The following PACS1 variants were observed in gnomAD, a reference collection of about 807,000 sequenced individuals.
PACS1 encodes the protein phosphofurin acidic cluster sorting protein 1.
In PACS1, 24 loss-of-function variants were observed where a neutral mutation model predicts 115.0. The ratio of observed to expected loss-of-function variants is 0.21; its 90% CI spans 0.15 to 0.29. The LOEUF is 0.29. Among genes scored for constraint, PACS1 ranks in the 10% least tolerant of loss-of-function variants. PACS1 has a pLI of 1.00. For missense variants in PACS1, 838 were observed against 1,251.2 expected, an observed-to-expected ratio of 0.67 and a Z score of 4.98; for synonymous variants, 453 against 504.5, an observed-to-expected ratio of 0.90 and a Z score of 1.37.
In PACS1 at chr11:66,092,536, A is replaced by G. The variant is rs1189765952; in HGVS notation, c.356+21694A>G. Among the ~76,000 whole-genome samples the G allele has an allele frequency of 4.6e-5, 7 of 151,442 alleles. No homozygotes were observed. The East Asian group carries it at 1.2e-3, about 25-fold the overall frequency. On this transcript the variant is annotated intron_variant, in intron 1 of 23. Transcript: ENST00000320580. ...AAGCTCTTGAGTTTAATTAGATCCC[A>G]TTTGTCAATTTTGGCTTTTGTTGCC... is the stretch of plus-strand genomic sequence containing the variant.
rs1196321416 is a variant in PACS1, at chr11:66,070,847, G to GC, written c.356+6dup. ...CTCGTCCAGCTGCGTGCCTAGGTGA[G>GC]CGCGGGAGGGTGCGGCGGGGCGCCG... is the stretch of plus-strand genomic sequence containing the variant. On this transcript the variant is annotated splice_donor_region_variant and intron_variant, in intron 1 of 23. Coordinates refer to ENST00000320580, the MANE Select transcript of PACS1 (RefSeq NM_018026.4). This position sits in a 1 kb window ranked among gnomAD's most constrained non-coding sequence, Gnocchi z 5.9. 1 of 1,468,480 alleles carries GC rather than the reference G, an allele frequency of 6.8e-7. No homozygotes were observed. The allele number at this position is 1,468,480 out of a possible 1,614,324, so 91.0% of individuals were successfully genotyped here. A position where few individuals can be genotyped will look rare whatever the true frequency, so the allele number is the denominator to read the frequency against.
At chr11:66,114,351 G>T (rs1270363324) in intron 1 of PACS1, among the ~76,000 whole-genome samples, 1 of 150,664 alleles carries the variant, frequency 6.6e-6, no homozygotes, top group African/African-American at 2.4e-5. Flanking sequence ...CCAGGAGGCA[G>T]AGGTTGCAGT....
At chr11:66,148,743 T>C (rs1325052697) in intron 1 of PACS1, among the ~76,000 whole-genome samples, 3 of 152,104 alleles carry the variant, frequency 2.0e-5, no homozygotes, top group Non-Finnish European at 4.4e-5. Flanking sequence ...CTGGCCAACA[T>C]GGTGAAACCC....
At chr11:66,118,904 A>C (rs145950079) in intron 1 of PACS1, among the ~76,000 whole-genome samples, 1 of 152,212 alleles carries the variant, frequency 6.6e-6, no homozygotes, top group Non-Finnish European at 1.5e-5. Context: ...GAAACTAAAA[A>C]ACATTGCTTG....
intron 19 of PACS1, 145 bp from the exon 20 acceptor site, chr11:66,238,659 C>G: frequency 1.3e-6 from 1 of 779,482 alleles, no homozygotes; most frequent in Non-Finnish European, 2.1e-6. Context: ...AGCCACCACG[C>G]CCAGCCCAGA....
chr11:66,150,729 G>A (rs929788016), intron 1 of PACS1, among the ~76,000 whole-genome samples: 1 of 152,144 alleles, frequency 6.6e-6, no homozygotes, highest in African/African-American at 2.4e-5. Context: ...TTCCATTAAG[G>A]GAGATTGAAG....
chr11:66,200,365 G>T (rs1015175378), intron 2 of PACS1, among the ~76,000 whole-genome samples: 1 of 151,704 alleles, frequency 6.6e-6, no homozygotes. Flanking sequence ...AAACAAAAAC[G>T]AAAACATGAT....
intron 1 of PACS1, among the ~76,000 whole-genome samples, chr11:66,181,361 C>T (rs1236704500): frequency 1.3e-5 from 2 of 151,704 alleles, no homozygotes; most frequent in African/African-American, 4.8e-5. Flanking sequence ...TACAGGTGTC[C>T]ACCACCACAC....
intron 1 of PACS1, among the ~76,000 whole-genome samples, chr11:66,173,711 A>G (rs1859790698): frequency 6.6e-6 from 1 of 152,152 alleles, no homozygotes; most frequent in Admixed American, 6.5e-5. Context: ...CTCCATCTCA[A>G]AAAGAAAAAG....
At chr11:66,202,742 A>G (rs11530810) in intron 2 of PACS1, among the ~76,000 whole-genome samples, 4 of 71,652 alleles carry the variant, frequency 5.6e-5, no homozygotes, top group Non-Finnish European at 9.4e-5. Context: ...AAAAAAAAAA[A>G]ATATATATAT....
intron 1 of PACS1, among the ~76,000 whole-genome samples, chr11:66,154,404 C>T (rs1332101507): frequency 6.6e-6 from 1 of 151,636 alleles, no homozygotes; most frequent in Non-Finnish European, 1.5e-5. Flanking sequence ...GCACCACTGC[C>T]CTCCAGCCTG....
chr11:66,103,086 C>T (rs1455460353), intron 1 of PACS1, among the ~76,000 whole-genome samples: 1 of 152,200 alleles, frequency 6.6e-6, no homozygotes, highest in African/African-American at 2.4e-5. Flanking sequence ...CTGCCTTGGC[C>T]TCTGAAAGTG....
At chr11:66,132,247 G>A (rs924157867) in intron 1 of PACS1, among the ~76,000 whole-genome samples, 3 of 151,918 alleles carry the variant, frequency 2.0e-5, no homozygotes, top group Admixed American at 6.6e-5. Flanking sequence ...TTTTTCCTGC[G>A]CTCTCACACA....
At chr11:66,204,821 A>C (rs768127487) in intron 2 of PACS1, among the ~76,000 whole-genome samples, 3 of 152,062 alleles carry the variant, frequency 2.0e-5, no homozygotes, top group Non-Finnish European at 4.4e-5. Context: ...ATGATAGTTA[A>C]TGGATACAAA....
rs758922764 is a variant in PACS1, at chr11:66,243,293, C to A, written c.*13C>A. ...CAAGGCCACCTGAGGCCCTGTCTCC[C>A]AGCCACTTTCCCTCCTGGCACTGCC... On this transcript the variant is annotated 3_prime_UTR_variant, in exon 24 of 24. Transcript: ENST00000320580. 1.7e-5 allele frequency: 26 copies of A among 1,537,062 alleles called. No homozygotes were observed. Among genetic ancestry groups the A allele is most frequent in the Non-Finnish European group, 2.3e-5 (26 of 1,129,988 alleles).
chr11:66,223,054 C>CAAA lies in PACS1; in HGVS notation c.1293+1829_1293+1831dup, dbSNP rs71461612. 7.8e-3 allele frequency among the ~76,000 whole-genome samples: 588 copies of CAAA among 74,946 alleles called. 14 individuals are homozygous for CAAA. Among genetic ancestry groups the CAAA allele is most frequent in the African/African-American group, 0.029 (541 of 18,426 alleles). 49.2% of individuals were successfully genotyped at this position (74,946 alleles called of 152,430 possible). ...CAAGAACTGAGGAGACCTCGATTTA[C>CAAA]AAAAAAAAAAAAAAAAAAAAAAAAC... is the stretch of plus-strand genomic sequence containing the variant. On this transcript the variant is annotated intron_variant, in intron 10 of 23. Transcript: ENST00000320580.
At chr11:66,192,029 AAAAG>A (rs1164099286) in intron 1 of PACS1, among the ~76,000 whole-genome samples, 1 of 152,278 alleles carries the variant, frequency 6.6e-6, no homozygotes, top group Non-Finnish European at 1.5e-5. Flanking sequence ...TCTCAAAAAA[AAAAG>A]AAAGAAAGTT....
At chr11:66,094,466 G>A (rs1301089221) in intron 1 of PACS1, among the ~76,000 whole-genome samples, 1 of 151,016 alleles carries the variant, frequency 6.6e-6, no homozygotes, top group African/African-American at 2.4e-5. Flanking sequence ...TAAATTCCTC[G>A]ACACATACAC....
chr11:66,159,032 G>T (rs1219995244), intron 1 of PACS1, among the ~76,000 whole-genome samples: 1 of 152,150 alleles, frequency 6.6e-6, no homozygotes, highest in South Asian at 2.1e-4. Context: ...AATAGCACTG[G>T]GATCTATAAG....
Sources: allele counts gnomAD v4.1 joint callset (sites outside exome capture counted in the v4.1 genomes callset), GRCh38; gene constraint gnomAD v4.1.1; non-coding constraint Gnocchi (gnomAD v3.1); transcripts MANE v1.5; gene names NCBI Gene and HGNC (gene_info 2026-07-23, HGNC 2026-07-21).